Variants in EPHX1 observed in about 807,000 individuals in gnomAD.
EPHX1 encodes the protein epoxide hydrolase 1, also known as epoxide hydratase.
EPHX1 carries 40 observed loss-of-function variants against 43.2 expected under a neutral mutation model. The observed-to-expected ratio is 0.93, with a 90% CI of 0.72 to 1.21. The LOEUF (loss-of-function observed/expected upper bound fraction) is 1.21. Ranked by LOEUF, EPHX1 falls within the 50% of genes most tolerant of loss-of-function variation. The probability of loss-of-function intolerance (pLI) is 0.00; values close to 1 mark genes in which losing one functional copy is unlikely to be tolerated. For missense variants in EPHX1, 550 were observed against 570.4 expected (o/e 0.96, Z 0.36); for synonymous variants, 221 against 226.7 (o/e 0.98, Z 0.22).
At chr1:225,835,491 G>A (rs1353605230) in intron 3 of EPHX1, among the ~76,000 whole-genome samples, 6 of 146,220 alleles carry the variant, frequency 4.1e-5, no homozygotes, top group African/African-American at 7.6e-5. Flanking sequence ...CCAGGTTCAC[G>A]CCATTCTCCT....
chr1:225,818,250 C>A (rs1666816165), intron 1 of EPHX1, among the ~76,000 whole-genome samples: 1 of 152,332 alleles, frequency 6.6e-6, no homozygotes, highest in South Asian at 2.1e-4. Context: ...TAAATTCATT[C>A]ATTCATTCAA....
intron 3 of EPHX1, among the ~76,000 whole-genome samples, chr1:225,833,398 G>C (rs1667728361): frequency 6.6e-6 from 1 of 152,164 alleles, no homozygotes; most frequent in South Asian, 2.1e-4. Context: ...CAGCTACTCA[G>C]GAGGCTGAGG....
intron 7 of EPHX1, among the ~76,000 whole-genome samples, chr1:225,843,367 TTG>T (rs1228880489): frequency 6.6e-6 from 1 of 152,140 alleles, no homozygotes; most frequent in African/African-American, 2.4e-5. Context: ...AAAGGGTGGC[TTG>T]TCCAGAGGCT....
At chr1:225,824,699 G>A (rs889479505) in intron 1 of EPHX1, among the ~76,000 whole-genome samples, 6 of 152,320 alleles carry the variant, frequency 3.9e-5, no homozygotes, top group African/African-American at 7.2e-5. Context: ...GTGTGGAGCC[G>A]TGGTGACCCC....
At position 225,845,329 on chromosome 1, in the gene EPHX1, G is replaced by C. The variant is rs4149230; in HGVS notation, c.1350G>C (p.Ser450=). Residue 450 remains serine, a synonymous_variant, in exon 9 of 9, where the codon TCG becomes TCC. Transcript: ENST00000272167. The stretch of plus-strand genomic sequence containing the variant: ...CCCAGGACATCCGCAAGTTCCTGTC[G>C]GTGCTGGAGCGGCAATGACCCACCC... The part of the protein sequence containing the change: ...LLAQDIRKFL[S]VLERQ The C allele has an allele frequency of 0.046, 73,792 of 1,610,860 alleles. 2,265 individuals carry two copies. The highest frequency in any genetic ancestry group is 0.15 in the East Asian group (6,856 of 44,828).
chr1:225,845,077 C>T, intron 8 of EPHX1, 69 bp from the exon 9 acceptor site: 1 of 1,546,236 alleles, frequency 6.5e-7, no homozygotes, highest in South Asian at 1.1e-5. Context: ...GCGCTTTAAC[C>T]CCCTGCTGTG....
intron 1 of EPHX1, among the ~76,000 whole-genome samples, chr1:225,825,125 G>T (rs1338668035): frequency 6.6e-6 from 1 of 152,162 alleles, no homozygotes; most frequent in African/African-American, 2.4e-5. Flanking sequence ...GCTGGTGGGG[G>T]CCATCATAAT....
intron 3 of EPHX1, 36 bp from the exon 4 acceptor site, chr1:225,838,618 C>A: frequency 6.3e-7 from 1 of 1,581,622 alleles, no homozygotes; most frequent in Non-Finnish European, 8.7e-7. Context: ...AGGGTCTTCT[C>A]TCTCCCTCCA....
At chr1:225,844,822 C>T (rs771292659) in intron 8 of EPHX1, among the ~76,000 whole-genome samples, 199 bp downstream of exon 8, 9 of 152,140 alleles carry the variant, frequency 5.9e-5, no homozygotes, top group Non-Finnish European at 1.3e-4. Flanking sequence ...GCCTGGCTCC[C>T]GGGCGGCCCT....
At chr1:225,841,276 C>T (rs1240373417) in intron 6 of EPHX1, 1 of 152,094 alleles carries the variant, frequency 6.6e-6, no homozygotes, top group Non-Finnish European at 1.5e-5. Flanking sequence ...GCCATTGTCC[C>T]AGCTTTATTT....
chr1:225,832,058 A>G (rs1387325091), intron 3 of EPHX1, 99 bp downstream of exon 3: 2 of 1,350,136 alleles, frequency 1.5e-6, no homozygotes, highest in Non-Finnish European at 2.1e-6. Context: ...AGAGATTCAG[A>G]ACCCAATTAT....
chr1:225,837,095 A>AC (rs958490479), intron 3 of EPHX1, among the ~76,000 whole-genome samples: 3 of 152,180 alleles, frequency 2.0e-5, no homozygotes, highest in African/African-American at 7.2e-5. Flanking sequence ...AGTTTTCTGG[A>AC]TTCTTTGCAG....
chr1:225,837,222 G>C (rs1477414547), intron 3 of EPHX1, among the ~76,000 whole-genome samples: 3 of 152,200 alleles, frequency 2.0e-5, no homozygotes, highest in African/African-American at 7.2e-5. Context: ...TGTTTTCTAA[G>C]TTTTCTACAG....
In EPHX1 at chr1:225,845,284, TGAG is replaced by T; in HGVS notation, c.1309_1311del (p.Glu437del). 6.2e-7 allele frequency: 1 copy of T among 1,613,238 alleles called. No homozygotes were observed. The highest frequency in any genetic ancestry group is 1.3e-5 in the African/African-American group (1 of 75,020). Reference sequence around the variant, plus strand: ...TTCGTGGGGGCCACTTTGCGGCCTTTGAGGAGCCGGAGCTGCTCGCCCAGGACA... The same window carrying T: ...TTCGTGGGGGCCACTTTGCGGCCTTTGAGCCGGAGCTGCTCGCCCAGGACA... On this transcript the variant is annotated inframe_deletion, in exon 9 of 9. Transcript: ENST00000272167.
In EPHX1 at chr1:225,817,075, T is replaced by C. The variant is rs1265157029; in HGVS notation, c.-6+6906T>C. ...TTTCCTTTCCCTTGGTTTCTGGCTC[T>C]AAGCTGTTTTCCCAGGGCTTGGCTC... On this transcript the variant is annotated intron_variant, in intron 1 of 8. Coordinates refer to ENST00000272167, the MANE Select transcript of EPHX1 (RefSeq NM_001136018.4). The surrounding 1 kb of genome is among the most constrained non-coding windows in gnomAD (Gnocchi z 5.7). Among the ~76,000 whole-genome samples the C allele has an allele frequency of 6.6e-6, 1 of 152,212 alleles. No homozygotes were observed. The highest frequency in any genetic ancestry group is 1.5e-5 in the Non-Finnish European group (1 of 68,034).
rs34868815 is a variant in EPHX1 at position 225,839,366 on chromosome 1, GGTGTGTGTGTGT to G, written c.722+45_722+56del. 220 of 1,560,814 alleles carry G rather than the reference GGTGTGTGTGTGT, an allele frequency of 1.4e-4. No homozygotes were observed. In the East Asian group the frequency reaches 2.4e-3, roughly 17 times the overall value. ...GCCCAGGTGAGGTCACTGTTGGGGT[GGTGTGTGTGTGT>G]GTGTGTGTGTGTGTGTGTGTGTGTC... On this transcript the variant is annotated intron_variant, in intron 5 of 8. Transcript: ENST00000272167.
chr1:225,825,311 T>TG (rs1226036357), intron 1 of EPHX1: 5 of 152,170 alleles, frequency 3.3e-5, no homozygotes, highest in Admixed American at 3.3e-4. Flanking sequence ...CAGAAGGCCG[T>TG]GGGGAGTGGG....
intron 3 of EPHX1, among the ~76,000 whole-genome samples, chr1:225,835,303 C>T (rs1273337526): frequency 6.6e-6 from 1 of 150,788 alleles, no homozygotes; most frequent in Non-Finnish European, 1.5e-5. Flanking sequence ...ATTGCAGCCT[C>T]AATTTCCTGA....
At chr1:225,834,589 TA>T (rs33985896) in intron 3 of EPHX1, among the ~76,000 whole-genome samples, 159 of 121,148 alleles carry the variant, frequency 1.3e-3, no homozygotes, top group Middle Eastern at 4.2e-3. Context: ...CCAAGAACAC[TA>T]AAAAAAAAAA....
Sources: allele counts gnomAD v4.1 joint callset (sites outside exome capture counted in the v4.1 genomes callset), GRCh38; gene constraint gnomAD v4.1.1; non-coding constraint Gnocchi (gnomAD v3.1); transcripts MANE v1.5; gene names NCBI Gene and HGNC (gene_info 2026-07-23, HGNC 2026-07-21).